The following C12orf75 variants were observed in gnomAD, a reference collection of about 807,000 sequenced individuals.
The protein encoded by C12orf75 is overexpressed in colon carcinoma 1 protein.
C12orf75 carries 4 observed loss-of-function variants against 11.4 expected under a neutral mutation model. The ratio of observed to expected loss-of-function variants is 0.35; its 90% CI spans 0.17 to 0.80. The LOEUF (loss-of-function observed/expected upper bound fraction) is 0.80. Ranked by LOEUF, C12orf75 falls within the 30% of genes least tolerant of loss-of-function variation. The pLI is 0.52. For synonymous variants in C12orf75, 30 were observed against 30.0 expected (o/e 1.00, Z 0.00); for missense variants, 89 against 80.4 (o/e 1.11, Z -0.41).
chr12:105,366,427 T>TA (rs79519644), intron 3 of C12orf75, 190 bp from the exon 4 acceptor site: 13 of 374,944 alleles, frequency 3.5e-5, no homozygotes, highest in African/African-American at 1.0e-4. Flanking sequence ...TTCTTTTTTT[T>TA]AAAAAAAATA....
In C12orf75 at chr12:105,340,517, G is replaced by A. The variant is rs905652354; in HGVS notation, c.47-8085G>A. 2.0e-5 allele frequency among the ~76,000 whole-genome samples: 3 copies of A among 151,336 alleles called. 1 individual carries two copies. The highest frequency in any genetic ancestry group is 7.3e-5 in the African/African-American group (3 of 41,132). ...TCACGAGGAATAAAGTTCCGTTTGT[G>A]TCGTGCATGATACATATATTACATT... On this transcript the variant is annotated intron_variant, in intron 1 of 5. Coordinates refer to ENST00000443585, the MANE Select transcript of C12orf75 (RefSeq NM_001145199.2).
chr12:105,331,009 C>A, intron 1 of C12orf75, 72 bp downstream of exon 1: 1 of 961,020 alleles, frequency 1.0e-6, no homozygotes, highest in Non-Finnish European at 1.3e-6. Context: ...GTGCAGGGAT[C>A]TTGGGTGGGG....
chr12:105,367,454 CTTAA>C lies in C12orf75; in HGVS notation c.188-15_188-12del, dbSNP rs1349204100. The C allele has an allele frequency of 3.7e-6, 3 of 801,460 alleles. No homozygotes were observed. The African/African-American group carries it at 5.2e-5, about 14-fold the overall frequency. 49.6% of individuals were successfully genotyped at this position (801,460 alleles called of 1,614,324 possible). ...TTTATAATCTGAACATTTAACTTTT[CTTAA>C]TTTTCTCTTTAAGATTAGAAGAAAA... On this transcript the variant is annotated splice_polypyrimidine_tract_variant and intron_variant, in intron 4 of 5. Coordinates refer to ENST00000443585, the MANE Select transcript of C12orf75 (RefSeq NM_001145199.2).
Position 105,337,880 on chromosome 12 carries a change from G to C in C12orf75, c.46+6943G>C, listed in dbSNP as rs553990458. Among the ~76,000 whole-genome samples, 16 of 152,174 alleles carry C rather than the reference G, an allele frequency of 1.1e-4. No individual in the cohort carries two copies. The East Asian group carries it at 2.9e-3, about 28-fold the overall frequency. ...TCTTTGAACAAGGATGGGGTATGGT[G>C]GGGGGTGGGGTCAGTTTTCCTTGCT... is the stretch of plus-strand genomic sequence containing the variant. On this transcript the variant is annotated intron_variant, in intron 1 of 5. Transcript: ENST00000443585.
chr12:105,366,551 C>A (rs1042651442), intron 3 of C12orf75, 66 bp from the exon 4 acceptor site: 3 of 727,056 alleles, frequency 4.1e-6, no homozygotes, highest in South Asian at 1.9e-5. Flanking sequence ...TGGAGTACTC[C>A]GTGCTTCTGT....
At position 105,370,879 on chromosome 12, in the gene C12orf75, G is replaced by T; in HGVS notation, c.*279G>T. ...TTAACAAACTGTCATGGAGGCTGTT[G>T]TTGCCCAGCCAGGGCCGCTGCATTT... On this transcript the variant is annotated 3_prime_UTR_variant, in exon 6 of 6. Transcript: ENST00000443585. 2.9e-6 allele frequency: 1 copy of T among 346,778 alleles called. No homozygotes were observed. Among genetic ancestry groups the T allele is most frequent in the Admixed American group, 3.4e-5 (1 of 29,550 alleles). 21.5% of individuals were successfully genotyped at this position (346,778 alleles called of 1,614,324 possible). A position where few individuals can be genotyped will look rare whatever the true frequency, so the allele number is the denominator to read the frequency against.
At chr12:105,336,930 C>T (rs945688295) in intron 1 of C12orf75, among the ~76,000 whole-genome samples, 1 of 152,154 alleles carries the variant, frequency 6.6e-6, no homozygotes, top group African/African-American at 2.4e-5. Flanking sequence ...GTGCATCATT[C>T]GCTTGCTGTG....
At chr12:105,358,459 T>G (rs575560439) in intron 2 of C12orf75, among the ~76,000 whole-genome samples, 1 of 152,188 alleles carries the variant, frequency 6.6e-6, no homozygotes, top group Admixed American at 6.5e-5. Flanking sequence ...AGGTTGAGGC[T>G]ACAGTGAGCT....
intron 2 of C12orf75, among the ~76,000 whole-genome samples, chr12:105,360,240 G>C (rs1490130997): frequency 1.3e-5 from 2 of 152,222 alleles, no homozygotes; most frequent in South Asian, 4.1e-4. Context: ...CTCTGGTTTG[G>C]GGGACAAATT....
chr12:105,369,587 G>A (rs1016130342), intron 5 of C12orf75, among the ~76,000 whole-genome samples: 1 of 152,056 alleles, frequency 6.6e-6, no homozygotes, highest in South Asian at 2.1e-4. Context: ...TTAGGTATTT[G>A]TCCTAATGCT....
chr12:105,341,196 A>G (rs566344471), intron 1 of C12orf75, among the ~76,000 whole-genome samples: 1 of 152,368 alleles, frequency 6.6e-6, no homozygotes, highest in African/African-American at 2.4e-5. Context: ...ACACAGCATG[A>G]TGCAATCTTG....
chr12:105,359,028 G>A (rs1036778911), intron 2 of C12orf75, among the ~76,000 whole-genome samples: 5 of 152,154 alleles, frequency 3.3e-5, no homozygotes, highest in African/African-American at 1.2e-4. Context: ...CCCCTAGCAA[G>A]AGCAGGATTT....
At chr12:105,364,138 G>T (rs1871387268) in intron 2 of C12orf75, among the ~76,000 whole-genome samples, 1 of 152,218 alleles carries the variant, frequency 6.6e-6, no homozygotes, top group Non-Finnish European at 1.5e-5. Context: ...TCTTGAGAAA[G>T]TTAATCACTC....
intron 1 of C12orf75, among the ~76,000 whole-genome samples, chr12:105,333,365 G>A (rs1003937634): frequency 9.2e-5 from 14 of 152,174 alleles, no homozygotes; most frequent in Admixed American, 3.3e-4. Flanking sequence ...GGGCATCAGC[G>A]TCAATTGCAC....
chr12:105,355,180 C>CTTTTT (rs1555265695), intron 2 of C12orf75, among the ~76,000 whole-genome samples: 1 of 70,442 alleles, frequency 1.4e-5, no homozygotes, highest in Non-Finnish European at 4.2e-5. Flanking sequence ...TTTTCTTTTT[C>CTTTTT]TTTTTTTTTT....
chr12:105,368,586 T>A (rs1566143937), intron 5 of C12orf75, among the ~76,000 whole-genome samples: 1 of 152,150 alleles, frequency 6.6e-6, no homozygotes, highest in Non-Finnish European at 1.5e-5. Flanking sequence ...ATAACCAGAA[T>A]CTAACCGTTG....
chr12:105,353,378 T>C (rs1892737948), intron 2 of C12orf75: 1 of 152,286 alleles, frequency 6.6e-6, no homozygotes, highest in African/African-American at 2.4e-5. Flanking sequence ...CTGGGCTCTC[T>C]TGGCCCGTTG....
chr12:105,369,123 C>T (rs955702410), intron 5 of C12orf75, among the ~76,000 whole-genome samples: 8 of 152,216 alleles, frequency 5.3e-5, no homozygotes, highest in African/African-American at 1.7e-4. Flanking sequence ...TATCAGGAGA[C>T]TGGGCAGCTC....
At chr12:105,341,032 T>C (rs1477417920) in intron 1 of C12orf75, among the ~76,000 whole-genome samples, 1 of 152,224 alleles carries the variant, frequency 6.6e-6, no homozygotes, top group African/African-American at 2.4e-5. Context: ...ATTTCTGTTG[T>C]TTAAACCACC....
Sources: gnomAD v4.1 joint callset for allele counts (sites outside exome capture counted in the v4.1 genomes callset) on GRCh38, gnomAD v4.1.1 for gene constraint, MANE v1.5 for transcripts, NCBI Gene and HGNC (gene_info 2026-07-23, HGNC 2026-07-21) for gene names.